The following TAFA5 variants were observed in gnomAD, a reference collection of about 807,000 sequenced individuals.
The protein encoded by TAFA5 is TAFA chemokine like family member 5.
In TAFA5, 6 loss-of-function variants were observed where a neutral mutation model predicts 15.3. The ratio of observed to expected loss-of-function variants is 0.39; its 90% CI spans 0.21 to 0.77. The LOEUF (loss-of-function observed/expected upper bound fraction) is 0.77, where lower values mean the gene tolerates loss of function less well. Ranked by LOEUF, TAFA5 falls within the 30% of genes least tolerant of loss-of-function variation. The pLI is 0.41. For missense variants in TAFA5, 161 were observed against 193.1 expected, an observed-to-expected ratio of 0.83 and a Z score of 0.98; for synonymous variants, 103 against 80.7, an observed-to-expected ratio of 1.28 and a Z score of -1.48.
chr22:48,493,648 G>T (rs889055179), intron 1 of TAFA5, among the ~76,000 whole-genome samples: 1 of 152,098 alleles, frequency 6.6e-6, no homozygotes, highest in Admixed American at 6.5e-5. Context: ...ATGAATTTGG[G>T]GCACAAGAAG....
At chr22:48,660,735 G>A (rs147039566) in intron 2 of TAFA5, among the ~76,000 whole-genome samples, 34 of 152,328 alleles carry the variant, frequency 2.2e-4, no homozygotes, top group Middle Eastern at 3.4e-3. Flanking sequence ...GCTGTGCAAC[G>A]ACACAGCGCG....
At position 48,550,798 on chromosome 22, in the gene TAFA5, T is replaced by C. The variant is rs745908285; in HGVS notation, c.112+61094T>C. On this transcript the variant is annotated intron_variant, in intron 1 of 3. Transcript: ENST00000402357. The surrounding 1 kb of genome is among the most constrained non-coding windows in gnomAD (Gnocchi z 4.1). ...CTCCAGAAAGCTTTCTCTGACCTTC[T>C]TGTTCTCGGGAAAGAGCGGTGCCTC... Among the ~76,000 whole-genome samples, 1 of 152,044 alleles carries C rather than the reference T, an allele frequency of 6.6e-6. No homozygotes were observed. The highest frequency in any genetic ancestry group is 1.5e-5 in the Non-Finnish European group (1 of 67,994).
chr22:48,731,605 G>A (rs130206), intron 3 of TAFA5, among the ~76,000 whole-genome samples: 94,813 of 152,066 alleles, frequency 0.62, 30,647 homozygotes, highest in Non-Finnish European at 0.7. Context: ...AACCTACTCC[G>A]CCTGTGCTCC....
intron 2 of TAFA5, among the ~76,000 whole-genome samples, chr22:48,687,616 G>A (rs953522181): frequency 3.3e-5 from 5 of 152,122 alleles, no homozygotes; most frequent in Admixed American, 3.3e-4. Context: ...CATGGCGAGT[G>A]CCTCCCCTTG....
intron 3 of TAFA5, among the ~76,000 whole-genome samples, chr22:48,718,552 G>C (rs2147259195): frequency 6.6e-6 from 1 of 152,222 alleles, no homozygotes; most frequent in Middle Eastern, 3.4e-3. Flanking sequence ...TTAGGAGCCT[G>C]CGGTTCATCT....
intron 2 of TAFA5, among the ~76,000 whole-genome samples, chr22:48,687,476 G>A (rs1277000279): frequency 1.3e-5 from 2 of 151,960 alleles, no homozygotes; most frequent in Middle Eastern, 3.2e-3. Context: ...TGGGTGGATG[G>A]GGGATGGCTA....
chr22:48,728,990 A>C (rs1268916220), intron 3 of TAFA5, among the ~76,000 whole-genome samples: 1 of 152,142 alleles, frequency 6.6e-6, no homozygotes, highest in Non-Finnish European at 1.5e-5. Flanking sequence ...ATTATTCACA[A>C]GTGTATGCAT....
intron 1 of TAFA5, among the ~76,000 whole-genome samples, chr22:48,619,368 G>T (rs563950753): frequency 6.6e-6 from 1 of 151,164 alleles, no homozygotes; most frequent in South Asian, 2.1e-4. Context: ...TTGACTGATT[G>T]GTTTATAGAC....
At chr22:48,745,125 C>T (rs1315777952) in intron 3 of TAFA5, among the ~76,000 whole-genome samples, 1 of 152,252 alleles carries the variant, frequency 6.6e-6, no homozygotes, top group Admixed American at 6.5e-5. Context: ...GAGCCCTGAA[C>T]CCGAGTCTGC....
chr22:48,722,297 A>G (rs1206234735), intron 3 of TAFA5, among the ~76,000 whole-genome samples: 1 of 152,202 alleles, frequency 6.6e-6, no homozygotes, highest in East Asian at 1.9e-4. Context: ...AAGACTTGGA[A>G]AGTGAACCCA....
chr22:48,690,198 G>A (rs939459181), intron 2 of TAFA5, among the ~76,000 whole-genome samples: 1 of 152,132 alleles, frequency 6.6e-6, no homozygotes, highest in Non-Finnish European at 1.5e-5. Flanking sequence ...GGCTCCCAGC[G>A]GGTTCCTGGA....
chr22:48,629,170 G>A (rs1054375258), intron 1 of TAFA5, among the ~76,000 whole-genome samples: 1 of 152,136 alleles, frequency 6.6e-6, no homozygotes, highest in Non-Finnish European at 1.5e-5. Context: ...ATGCTTGCTT[G>A]AGGGCTGGGC....
chr22:48,520,664 G>A (rs1392005721), intron 1 of TAFA5, among the ~76,000 whole-genome samples: 2 of 152,204 alleles, frequency 1.3e-5, no homozygotes, highest in Non-Finnish European at 2.9e-5. Context: ...GGGGCTTTGG[G>A]GCAGAGCCGG....
At chr22:48,692,733 A>G (rs1456687747) in intron 2 of TAFA5, among the ~76,000 whole-genome samples, 1 of 152,246 alleles carries the variant, frequency 6.6e-6, no homozygotes, top group Non-Finnish European at 1.5e-5. Flanking sequence ...TTTAAAACGC[A>G]TACGTATCTA....
intron 2 of TAFA5, among the ~76,000 whole-genome samples, chr22:48,660,589 T>C (rs1431841770): frequency 6.6e-6 from 1 of 152,228 alleles, no homozygotes; most frequent in Non-Finnish European, 1.5e-5. Context: ...TTGGAGCTGA[T>C]GTTCCTGTTT....
intron 1 of TAFA5, among the ~76,000 whole-genome samples, chr22:48,620,059 C>G (rs1367173801): frequency 6.6e-6 from 1 of 152,210 alleles, no homozygotes. Context: ...GAGCCTGAGT[C>G]CAGGGTGGAG....
chr22:48,524,034 G>C (rs1921696739), intron 1 of TAFA5, among the ~76,000 whole-genome samples: 1 of 152,256 alleles, frequency 6.6e-6, no homozygotes, highest in Non-Finnish European at 1.5e-5. Flanking sequence ...TCAGAGGGCG[G>C]AAGCAGGGTG....
At chr22:48,562,339 C>T (rs571378745) in intron 1 of TAFA5, among the ~76,000 whole-genome samples, 75 of 152,276 alleles carry the variant, frequency 4.9e-4, no homozygotes, top group Admixed American at 5.9e-4. Context: ...GGGGTTTCAC[C>T]GCATTAGCCA....
intron 2 of TAFA5, among the ~76,000 whole-genome samples, chr22:48,703,306 C>A (rs1928974367): frequency 6.6e-6 from 1 of 152,164 alleles, no homozygotes; most frequent in Non-Finnish European, 1.5e-5. Flanking sequence ...CCTTCACCAG[C>A]CTAAGTCCCC....
Sources: allele counts gnomAD v4.1 joint callset (sites outside exome capture counted in the v4.1 genomes callset), GRCh38; gene constraint gnomAD v4.1.1; non-coding constraint Gnocchi (gnomAD v3.1); transcripts MANE v1.5; gene names NCBI Gene and HGNC (gene_info 2026-07-23, HGNC 2026-07-21).